Variants in ZNF487 observed in about 807,000 individuals in gnomAD.
ZNF487 encodes zinc finger protein 487, also known as KRAB domain only 1.
A neutral mutation model predicts 3.0 loss-of-function variants in ZNF487; 4 were observed. The observed-to-expected ratio is 1.35, with a 90% CI of 0.66 to 3.08. The LOEUF is 3.08. Ranked by LOEUF, ZNF487 falls within the 30% of genes most tolerant of loss-of-function variation. The pLI is 0.01. For synonymous variants in ZNF487, 55 were observed against 34.6 expected (o/e 1.59, Z -2.06); for missense variants, 146 against 98.7 (o/e 1.48, Z -2.03).
chr10:43,503,495 G>A, the ZNF487 span, among the ~76,000 whole-genome samples: 1 of 152,182 alleles, frequency 6.6e-6, no homozygotes, highest in African/African-American at 2.4e-5. Flanking sequence ...TAATAGTACT[G>A]TTCTAGGCCT....
Position 43,481,319 on chromosome 10 carries a change from C to T in ZNF487, c.131-110C>T. On this transcript the variant is annotated intron_variant, in intron 3 of 3. Coordinates refer to ENST00000437590, the MANE Select transcript of ZNF487 (RefSeq NM_001355444.3). ...GCACAATCCAGCCTGGGTGACAGAGCCAGACACTGTGCCAAAAAAAAAAAG... is the reference window on the plus strand; with the variant it reads ...GCACAATCCAGCCTGGGTGACAGAGTCAGACACTGTGCCAAAAAAAAAAAG... The T allele has an allele frequency of 9.8e-6, 6 of 611,094 alleles. No individual in the cohort carries two copies. In the South Asian group the frequency reaches 1.2e-4, roughly 13 times the overall value. The allele number at this position is 611,094 out of a possible 1,614,324, so 37.9% of individuals were successfully genotyped here.
At chr10:43,507,261 TG>T in the ZNF487 span, among the ~76,000 whole-genome samples, 1 of 152,164 alleles carries the variant, frequency 6.6e-6, no homozygotes, top group African/African-American at 2.4e-5. Flanking sequence ...ACTGGCTACC[TG>T]GGGGAGCTAT....
chr10:43,492,286 G>A, the ZNF487 span, among the ~76,000 whole-genome samples: 1 of 151,554 alleles, frequency 6.6e-6, no homozygotes, highest in African/African-American at 2.4e-5. Flanking sequence ...CTTAATTGAG[G>A]TTCTTTGTTA....
the ZNF487 span, among the ~76,000 whole-genome samples, chr10:43,512,696 A>G: frequency 6.6e-6 from 1 of 152,214 alleles, no homozygotes; most frequent in African/African-American, 2.4e-5. Context: ...CATATGGCTC[A>G]AGTGGCAGAG....
the ZNF487 span, among the ~76,000 whole-genome samples, chr10:43,488,391 AAGCAAAGC>A: frequency 2.6e-5 from 4 of 152,222 alleles, no homozygotes; most frequent in African/African-American, 9.6e-5. Context: ...ACTGGAAAAA[AAGCAAAGC>A]AGGACAAGGT....
chr10:43,476,092 C>A lies in ZNF487; in HGVS notation c.35-15C>A. On this transcript the variant is annotated splice_polypyrimidine_tract_variant and intron_variant, in intron 2 of 3. Transcript: ENST00000437590. Reference sequence around the variant, plus strand: ...AGGCTATCTGGCCCACGTCCTGTGTCATTTTCATTCACAGGATATTGCATT... The same window carrying A: ...AGGCTATCTGGCCCACGTCCTGTGTAATTTTCATTCACAGGATATTGCATT... 1 of 716,992 alleles carries A rather than the reference C, an allele frequency of 1.4e-6. No individual in the cohort carries two copies. Among genetic ancestry groups the A allele is most frequent in the South Asian group, 1.5e-5 (1 of 67,448 alleles). The allele number at this position is 716,992 out of a possible 1,614,324, so 44.4% of individuals were successfully genotyped here. A position where few individuals can be genotyped will look rare whatever the true frequency, so the allele number is the denominator to read the frequency against.
At chr10:43,504,934 G>A in the ZNF487 span, among the ~76,000 whole-genome samples, 31,317 of 151,266 alleles carry the variant, frequency 0.21, 3,480 homozygotes, top group African/African-American at 0.23. Context: ...TCAAACTCCC[G>A]AGCTCAGGCA....
intron 1 of ZNF487, among the ~76,000 whole-genome samples, chr10:43,470,282 G>A (rs903754307): frequency 6.7e-6 from 1 of 149,784 alleles, no homozygotes; most frequent in Non-Finnish European, 1.5e-5. Context: ...GTGCCATCAC[G>A]GCTCACTTTA....
chr10:43,442,402 G>A (rs970390937), intron 1 of ZNF487, among the ~76,000 whole-genome samples: 3 of 152,006 alleles, frequency 2.0e-5, no homozygotes, highest in South Asian at 2.1e-4. Context: ...AACATAGTAC[G>A]TCTCTTCATT....
At chr10:43,512,889 G>A in the ZNF487 span, among the ~76,000 whole-genome samples, 1 of 152,168 alleles carries the variant, frequency 6.6e-6, no homozygotes, top group Non-Finnish European at 1.5e-5. Flanking sequence ...TTGAAGGAAT[G>A]GTCAAATGCA....
chr10:43,446,548 C>T (rs557794782), intron 1 of ZNF487, among the ~76,000 whole-genome samples: 2 of 151,834 alleles, frequency 1.3e-5, no homozygotes, highest in Non-Finnish European at 2.9e-5. Context: ...ATGCTCCTCA[C>T]CTCCCAGACG....
chr10:43,460,468 C>T (rs1461608746), intron 1 of ZNF487, among the ~76,000 whole-genome samples: 5 of 150,120 alleles, frequency 3.3e-5, no homozygotes, highest in African/African-American at 7.4e-5. Context: ...CTCTGCCTCC[C>T]GGGTTCAAGC....
chr10:43,464,175 T>C (rs1032383919), intron 1 of ZNF487, among the ~76,000 whole-genome samples: 17 of 151,134 alleles, frequency 1.1e-4, no homozygotes, highest in South Asian at 6.3e-4. Context: ...AGGAAAACTT[T>C]TTTTTTCTTT....
At chr10:43,463,393 C>T (rs1400228471) in intron 1 of ZNF487, among the ~76,000 whole-genome samples, 3 of 151,766 alleles carry the variant, frequency 2.0e-5, no homozygotes, top group Admixed American at 1.3e-4. Flanking sequence ...TAAAAATTAG[C>T]CAGGCGTGGT....
chr10:43,476,286 A>C, intron 3 of ZNF487, 84 bp downstream of exon 3: 1 of 648,614 alleles, frequency 1.5e-6, no homozygotes, highest in Non-Finnish European at 2.8e-6. Flanking sequence ...ACATCTTTGA[A>C]ATTTTTCAGA....
chr10:43,487,929 CAAAAAAAAAAAA>C (rs76705594), downstream of ZNF487, among the ~76,000 whole-genome samples: 31 of 40,446 alleles, frequency 7.7e-4, no homozygotes, highest in East Asian at 3.6e-3. Flanking sequence ...TACCAAAATA[CAAAAAAAAAAAA>C]AAAAAAAAAA....
At chr10:43,443,060 G>GC (rs1344504898) in intron 1 of ZNF487, among the ~76,000 whole-genome samples, 4 of 96,818 alleles carry the variant, frequency 4.1e-5, no homozygotes, top group Non-Finnish European at 8.1e-5. Context: ...ACTCGTTCTA[G>GC]CTTTTTTTTT....
chr10:43,490,500 C>CT, the ZNF487 span, among the ~76,000 whole-genome samples: 1,934 of 39,080 alleles, frequency 0.049, 783 homozygotes, highest in East Asian at 0.13. Context: ...AGTAGCTCTA[C>CT]TTTTTTTTTT....
Position 43,481,415 on chromosome 10 carries a change from A to G in ZNF487, c.131-14A>G, listed in dbSNP as rs1246393256. On this transcript the variant is annotated splice_polypyrimidine_tract_variant and intron_variant, in intron 3 of 3. Transcript: ENST00000437590. ...TAACATTTATAATCTGTGATAACTT[A>G]TTATTATTTCTAGACTGCTGCATAG... is the stretch of plus-strand genomic sequence containing the variant. 5 of 686,122 alleles carry G rather than the reference A, an allele frequency of 7.3e-6. No homozygotes were observed. The highest frequency in any genetic ancestry group is 6.5e-5 in the South Asian group (4 of 61,866). 42.5% of individuals were successfully genotyped at this position (686,122 alleles called of 1,614,324 possible).
Sources: allele counts gnomAD v4.1 joint callset (sites outside exome capture counted in the v4.1 genomes callset), GRCh38; gene constraint gnomAD v4.1.1; transcripts MANE v1.5; gene names NCBI Gene and HGNC (gene_info 2026-07-23, HGNC 2026-07-21).